KIF16B: variants seen among roughly 807,000 people sequenced by gnomAD.
KIF16B encodes the protein kinesin-like protein KIF16B.
In KIF16B, 98 loss-of-function variants were observed where a neutral mutation model predicts 156.3. The observed-to-expected ratio is 0.63, with a 90% CI of 0.53 to 0.74. The LOEUF (loss-of-function observed/expected upper bound fraction) is 0.74, where lower values mean the gene tolerates loss of function less well. Among genes scored for constraint, KIF16B ranks in the 30% least tolerant of loss-of-function variants. KIF16B has a pLI of 0.00. For missense variants in KIF16B, 1,421 were observed against 1,606.5 expected (o/e 0.88, Z 1.97); for synonymous variants, 564 against 583.7 (o/e 0.97, Z 0.49).
rs542857130 is a variant in KIF16B, at chr20:16,288,500, G to A, written c.3796-15089C>T. On this transcript the variant is annotated intron_variant, in intron 25 of 25. Transcript: ENST00000354981. ...CTTAGTAAACACAGTATGTACTGGT[G>A]ATAAGGTTACTGGGATCCCATCATA... Among the ~76,000 whole-genome samples, 11 of 151,554 alleles carry A rather than the reference G, an allele frequency of 7.3e-5. No individual in the cohort carries two copies. The South Asian group carries it at 2.1e-3, about 29-fold the overall frequency.
At chr20:16,381,800 TCTCTCA>T in intron 17 of KIF16B, 53 bp from the exon 18 acceptor site, 1 of 1,400,828 alleles carries the variant, frequency 7.1e-7, no homozygotes, top group Non-Finnish European at 1.0e-6. Flanking sequence ...TTTCTATCTC[TCTCTCA>T]CTCTCTGTAT....
chr20:16,426,010 T>A (rs917773979), intron 15 of KIF16B, among the ~76,000 whole-genome samples: 1 of 152,026 alleles, frequency 6.6e-6, no homozygotes, highest in African/African-American at 2.4e-5. Flanking sequence ...GCCACACACT[T>A]TTAAATCATC....
intron 12 of KIF16B, among the ~76,000 whole-genome samples, chr20:16,435,370 C>T (rs2066615557): frequency 6.6e-6 from 1 of 152,168 alleles, no homozygotes; most frequent in African/African-American, 2.4e-5. Flanking sequence ...AAGCTGAATG[C>T]TACTCTAAGA....
intron 12 of KIF16B, among the ~76,000 whole-genome samples, chr20:16,461,787 A>C (rs1218818357): frequency 6.6e-6 from 1 of 152,256 alleles, no homozygotes; most frequent in Non-Finnish European, 1.5e-5. Flanking sequence ...ATATGCCCAA[A>C]AGAATTAGAG....
At chr20:16,307,697 C>T (rs2063561277) in intron 25 of KIF16B, among the ~76,000 whole-genome samples, 1 of 152,024 alleles carries the variant, frequency 6.6e-6, no homozygotes, top group African/African-American at 2.4e-5. Flanking sequence ...TTTGTATGTC[C>T]TTTTTATTTA....
intron 17 of KIF16B, among the ~76,000 whole-genome samples, chr20:16,398,714 G>A (rs2065575106): frequency 6.6e-6 from 1 of 152,194 alleles, no homozygotes; most frequent in African/African-American, 2.4e-5. Flanking sequence ...GAGGAAGAGT[G>A]CTAGGAGGAC....
At chr20:16,435,440 T>C (rs2066617311) in intron 12 of KIF16B, among the ~76,000 whole-genome samples, 1 of 152,232 alleles carries the variant, frequency 6.6e-6, no homozygotes, top group African/African-American at 2.4e-5. Flanking sequence ...GTCTGGATGT[T>C]TAAAGAGTTT....
intron 15 of KIF16B, among the ~76,000 whole-genome samples, chr20:16,423,191 A>G (rs1333873795): frequency 2.0e-5 from 3 of 152,134 alleles, no homozygotes; most frequent in Admixed American, 6.6e-5. Context: ...CACTTTATAA[A>G]CCAATGAACC....
intron 24 of KIF16B, among the ~76,000 whole-genome samples, chr20:16,316,886 C>T (rs2063706208): frequency 6.6e-6 from 1 of 152,116 alleles, no homozygotes; most frequent in South Asian, 2.1e-4. Flanking sequence ...AATAACTGTG[C>T]CTGGAAGACC....
chr20:16,568,008 C>T (rs1197854519), intron 1 of KIF16B, among the ~76,000 whole-genome samples: 1 of 152,168 alleles, frequency 6.6e-6, no homozygotes. Context: ...CAGATACTTC[C>T]CGTCCTTAAT....
At chr20:16,517,359 T>C (rs1167585882) in intron 3 of KIF16B, among the ~76,000 whole-genome samples, 1 of 152,242 alleles carries the variant, frequency 6.6e-6, no homozygotes, top group South Asian at 2.1e-4. Context: ...TGCTCTCAAA[T>C]TCTGATGACT....
chr20:16,559,491 A>G (rs565330282), intron 1 of KIF16B, among the ~76,000 whole-genome samples: 11 of 152,320 alleles, frequency 7.2e-5, no homozygotes, highest in Admixed American at 2.0e-4. Context: ...AACAACAACA[A>G]CAAAGACTGT....
chr20:16,432,082 A>G (rs6111116), intron 12 of KIF16B, among the ~76,000 whole-genome samples: 27,020 of 151,894 alleles, frequency 0.18, 2,573 homozygotes, highest in African/African-American at 0.24. Flanking sequence ...AAGGTCAGAG[A>G]CAACCCTCCG....
At chr20:16,372,539 C>T (rs2064846867) in intron 20 of KIF16B, among the ~76,000 whole-genome samples, 1 of 152,222 alleles carries the variant, frequency 6.6e-6, no homozygotes. Flanking sequence ...AATCTCTGGT[C>T]ATTCCACCTC....
intron 15 of KIF16B, among the ~76,000 whole-genome samples, chr20:16,420,958 T>C (rs2066211279): frequency 6.6e-6 from 1 of 152,134 alleles, no homozygotes; most frequent in Non-Finnish European, 1.5e-5. Flanking sequence ...TATAATTATT[T>C]AAGTTTCAGA....
chr20:16,354,600 C>A (rs1319782115), intron 23 of KIF16B, among the ~76,000 whole-genome samples: 1 of 152,124 alleles, frequency 6.6e-6, no homozygotes, highest in African/African-American at 2.4e-5. Context: ...GGATCAAGGA[C>A]ATAGCGTAAC....
chr20:16,406,309 G>A (rs2065783599), intron 16 of KIF16B, 65 bp downstream of exon 16: 1 of 1,369,326 alleles, frequency 7.3e-7, no homozygotes, highest in South Asian at 1.2e-5. Flanking sequence ...GAACCAGAGT[G>A]ACCACCACCC....
chr20:16,314,732 A>G (rs2063671401), intron 24 of KIF16B, among the ~76,000 whole-genome samples: 1 of 152,178 alleles, frequency 6.6e-6, no homozygotes, highest in East Asian at 1.9e-4. Context: ...AGATCTGCTA[A>G]TTACTGAGCA....
chr20:16,347,084 T>A (rs1340876577), intron 23 of KIF16B, among the ~76,000 whole-genome samples: 1 of 152,186 alleles, frequency 6.6e-6, no homozygotes, highest in African/African-American at 2.4e-5. Context: ...GTAAAATGCA[T>A]TCATGATTCC....
Sources: gnomAD v4.1 joint callset for allele counts (sites outside exome capture counted in the v4.1 genomes callset) on GRCh38, gnomAD v4.1.1 for gene constraint, MANE v1.5 for transcripts, NCBI Gene and HGNC (gene_info 2026-07-23, HGNC 2026-07-21) for gene names.